Variants in MALRD1 observed in about 807,000 individuals in gnomAD.
MALRD1 encodes MAM and LDL-receptor class A domain-containing protein 1.
Under a neutral mutation model 242.1 loss-of-function variants are expected in MALRD1, and 247 were observed. The observed-to-expected ratio is 1.02, with a 90% CI of 0.92 to 1.13. The LOEUF (loss-of-function observed/expected upper bound fraction) is 1.13. Among genes scored for constraint, MALRD1 ranks in the 50% most tolerant of loss-of-function variants. The pLI is 0.00. For missense variants in MALRD1, 2,989 were observed against 2,533.1 expected, an observed-to-expected ratio of 1.18 and a Z score of -3.86; for synonymous variants, 995 against 866.6, an observed-to-expected ratio of 1.15 and a Z score of -2.60.
chr10:19,445,832 C>A (rs906977048), intron 28 of MALRD1, among the ~76,000 whole-genome samples: 1 of 152,216 alleles, frequency 6.6e-6, no homozygotes, highest in Non-Finnish European at 1.5e-5. Flanking sequence ...AGCTGTCAGA[C>A]AGGGACGTTT....
At chr10:19,423,850 C>T (rs921295101) in intron 28 of MALRD1, among the ~76,000 whole-genome samples, 5 of 152,086 alleles carry the variant, frequency 3.3e-5, no homozygotes, top group East Asian at 1.9e-4. Flanking sequence ...TGCATACGGG[C>T]GGCCATCCTA....
intron 36 of MALRD1, among the ~76,000 whole-genome samples, chr10:19,619,816 A>G (rs573067712): frequency 6.6e-6 from 1 of 152,040 alleles, no homozygotes; most frequent in Admixed American, 6.6e-5. Flanking sequence ...GACAAATGTG[A>G]CAACTTAAAA....
chr10:19,658,750 A>G (rs922096662), intron 36 of MALRD1, among the ~76,000 whole-genome samples: 4 of 152,112 alleles, frequency 2.6e-5, no homozygotes, highest in Admixed American at 2.0e-4. Flanking sequence ...TTTACCTACC[A>G]TGGTAGTTGG....
chr10:19,238,518 TTA>T lies in MALRD1; in HGVS notation c.2992-19159_2992-19158del, dbSNP rs538546110. On this transcript the variant is annotated intron_variant, in intron 18 of 39. Transcript: ENST00000454679. ...TATATAATATAATATATAATGTATA[TTA>T]TATATAATATACATTATATATAATA... 1.8e-4 allele frequency among the ~76,000 whole-genome samples: 14 copies of T among 79,178 alleles called. 1 individual carries two copies. The highest frequency in any genetic ancestry group is 6.3e-4 in the African/African-American group (11 of 17,450). 51.9% of individuals were successfully genotyped at this position (79,178 alleles called of 152,430 possible). A position where few individuals can be genotyped will look rare whatever the true frequency, so the allele number is the denominator to read the frequency against.
intron 26 of MALRD1, among the ~76,000 whole-genome samples, chr10:19,373,318 T>G (rs1056744959): frequency 2.5e-4 from 38 of 151,094 alleles, no homozygotes; most frequent in African/African-American, 9.0e-4. Context: ...CTGGCCAACA[T>G]GGTGAAACCC....
At chr10:19,688,247 A>G (rs1276866221) in intron 36 of MALRD1, among the ~76,000 whole-genome samples, 2 of 152,198 alleles carry the variant, frequency 1.3e-5, no homozygotes, top group African/African-American at 4.8e-5. Context: ...CTGGGATTAC[A>G]GGCATGAGCC....
chr10:19,561,914 C>A (rs1352853416), intron 32 of MALRD1, among the ~76,000 whole-genome samples: 3 of 152,138 alleles, frequency 2.0e-5, no homozygotes, highest in African/African-American at 7.2e-5. Flanking sequence ...GCCTCACTGA[C>A]AAGAACAGAA....
chr10:19,525,974 A>T (rs11814784), intron 31 of MALRD1, among the ~76,000 whole-genome samples: 11,262 of 152,204 alleles, frequency 0.074, 428 homozygotes, highest in East Asian at 0.11. Flanking sequence ...AATGTTGTTG[A>T]TCTTTTCATA....
At chr10:19,115,671 T>G (rs1482983818) in intron 5 of MALRD1, among the ~76,000 whole-genome samples, 3 of 152,030 alleles carry the variant, frequency 2.0e-5, no homozygotes, top group African/African-American at 7.2e-5. Context: ...AGGTCAGGAG[T>G]TCGAGACCAA....
chr10:19,171,395 A>T (rs1834915523), intron 13 of MALRD1, among the ~76,000 whole-genome samples: 1 of 146,820 alleles, frequency 6.8e-6, no homozygotes. Context: ...TAGTTCCGAA[A>T]GGGAATTGGT....
intron 26 of MALRD1, among the ~76,000 whole-genome samples, chr10:19,359,576 C>G (rs897376584): frequency 1.3e-5 from 2 of 151,958 alleles, no homozygotes; most frequent in African/African-American, 4.8e-5. Flanking sequence ...TCACTATTGT[C>G]TTTCCTGTGT....
chr10:19,416,770 G>T (rs570819953), intron 28 of MALRD1, among the ~76,000 whole-genome samples: 2 of 152,184 alleles, frequency 1.3e-5, no homozygotes, highest in South Asian at 4.2e-4. Flanking sequence ...ATCTTAAAAA[G>T]GTTTTCATCT....
intron 18 of MALRD1, among the ~76,000 whole-genome samples, chr10:19,230,393 G>GC (rs1837998727): frequency 6.6e-6 from 1 of 152,052 alleles, no homozygotes; most frequent in African/African-American, 2.4e-5. Context: ...CTTCCAGGGG[G>GC]GGCCTCAGGA....
At chr10:19,428,847 A>T (rs1834006391) in intron 28 of MALRD1, among the ~76,000 whole-genome samples, 1 of 152,210 alleles carries the variant, frequency 6.6e-6, no homozygotes, top group Non-Finnish European at 1.5e-5. Flanking sequence ...TATTCCAGAG[A>T]AATAACCATA....
chr10:19,142,197 A>AAAAAG (rs1833573050), intron 10 of MALRD1, among the ~76,000 whole-genome samples: 11 of 148,578 alleles, frequency 7.4e-5, no homozygotes, highest in Non-Finnish European at 1.3e-4. Flanking sequence ...AAAAAAAAAA[A>AAAAAG]GTGGAATGCT....
chr10:19,078,195 C>T (rs1420165711), intron 2 of MALRD1, among the ~76,000 whole-genome samples: 4 of 151,774 alleles, frequency 2.6e-5, no homozygotes, highest in Non-Finnish European at 4.4e-5. Context: ...TACATGTGCA[C>T]AACGTGCAGG....
At chr10:19,277,147 A>G (rs1487685424) in intron 19 of MALRD1, among the ~76,000 whole-genome samples, 1 of 152,046 alleles carries the variant, frequency 6.6e-6, no homozygotes, top group Non-Finnish European at 1.5e-5. Flanking sequence ...GCTAGTCTCA[A>G]AATCCTGAGT....
At chr10:19,316,732 CT>C (rs1343563865) in intron 21 of MALRD1, among the ~76,000 whole-genome samples, 2 of 151,688 alleles carry the variant, frequency 1.3e-5, no homozygotes, top group African/African-American at 4.8e-5. Flanking sequence ...AACAGTTGAA[CT>C]CATGGAGATA....
intron 23 of MALRD1, among the ~76,000 whole-genome samples, chr10:19,330,980 T>C (rs12220577): frequency 0.12 from 18,928 of 152,194 alleles, 1,250 homozygotes; most frequent in South Asian, 0.16. Context: ...ATCTTTTCAC[T>C]CTTGGTACTT....
Sources: gnomAD v4.1 joint callset for allele counts (sites outside exome capture counted in the v4.1 genomes callset) on GRCh38, gnomAD v4.1.1 for gene constraint, MANE v1.5 for transcripts, NCBI Gene and HGNC (gene_info 2026-07-23, HGNC 2026-07-21) for gene names.